PHF21B: variants seen among roughly 807,000 people sequenced by gnomAD.
The protein encoded by PHF21B is PHD finger protein 21B.
PHF21B carries 22 observed loss-of-function variants against 62.2 expected under a neutral mutation model. The ratio of observed to expected loss-of-function variants is 0.35; its 90% CI spans 0.25 to 0.51. PHF21B has a LOEUF of 0.51. Ranked by LOEUF, PHF21B falls within the 20% of genes least tolerant of loss-of-function variation. PHF21B has a pLI of 0.97. For synonymous variants in PHF21B, 341 were observed against 314.7 expected, an observed-to-expected ratio of 1.08 and a Z score of -0.88; for missense variants, 701 against 707.9, an observed-to-expected ratio of 0.99 and a Z score of 0.11.
chr22:44,981,763 C>G (rs752208319), intron 2 of PHF21B, among the ~76,000 whole-genome samples: 1 of 152,220 alleles, frequency 6.6e-6, no homozygotes, highest in Non-Finnish European at 1.5e-5. Context: ...ATGTGACAAG[C>G]TACAGCGGCA....
chr22:44,893,760 AG>A (rs1439680137), intron 6 of PHF21B, among the ~76,000 whole-genome samples: 1 of 152,224 alleles, frequency 6.6e-6, no homozygotes, highest in Non-Finnish European at 1.5e-5. Flanking sequence ...GATTGGTGGG[AG>A]GCTGGCAGGT....
At chr22:44,908,210 G>T (rs1476568008) in intron 5 of PHF21B, among the ~76,000 whole-genome samples, 2 of 152,206 alleles carry the variant, frequency 1.3e-5, no homozygotes, top group East Asian at 3.8e-4. Flanking sequence ...GGCATAGACT[G>T]CAGACTCTGA....
intron 2 of PHF21B, among the ~76,000 whole-genome samples, chr22:44,923,556 T>C (rs547651996): frequency 1.2e-4 from 18 of 152,064 alleles, no homozygotes; most frequent in African/African-American, 4.3e-4. Context: ...AAAGAGAATG[T>C]TAGGAAAATG....
intron 2 of PHF21B, among the ~76,000 whole-genome samples, chr22:44,921,232 T>C (rs1222961729): frequency 1.3e-5 from 2 of 152,174 alleles, no homozygotes; most frequent in African/African-American, 4.8e-5. Context: ...AGAAGGGAGA[T>C]GGCACCCTCC....
At chr22:44,906,038 A>G (rs919529521) in intron 5 of PHF21B, among the ~76,000 whole-genome samples, 1 of 152,024 alleles carries the variant, frequency 6.6e-6, no homozygotes, top group Non-Finnish European at 1.5e-5. Flanking sequence ...TCTCTTACCC[A>G]AGGAATTCTT....
intron 2 of PHF21B, among the ~76,000 whole-genome samples, chr22:44,988,259 G>C (rs1037576939): frequency 6.6e-6 from 1 of 152,228 alleles, no homozygotes; most frequent in Non-Finnish European, 1.5e-5. Flanking sequence ...GAGCCCAGGA[G>C]TTCAAGATCA....
At chr22:45,008,685 A>G in intron 1 of PHF21B, 75 bp from the exon 2 acceptor site, 1 of 1,156,042 alleles carries the variant, frequency 8.7e-7, no homozygotes, top group Non-Finnish European at 1.1e-6. Context: ...GGGCCGCGGC[A>G]CCCCCCGCCC....
At chr22:45,004,238 A>G (rs2008054) in intron 2 of PHF21B, among the ~76,000 whole-genome samples, 132,249 of 152,272 alleles carry the variant, frequency 0.87, 57,566 homozygotes, top group Middle Eastern at 0.93. Context: ...TCTATGTAAA[A>G]TATATCTCAA....
Position 45,009,409 on chromosome 22 carries a change from G to T in PHF21B, c.54+87C>A. ...TCCAGCCTGGAAGACCCAGAGACCC[G>T]GAAGAGAGGATGCTGGGCTCGGGTC... is the stretch of plus-strand genomic sequence containing the variant. On this transcript the variant is annotated intron_variant, in intron 1 of 12. Coordinates refer to ENST00000313237, the MANE Select transcript of PHF21B (RefSeq NM_138415.5). This position sits in a 1 kb window ranked among gnomAD's most constrained non-coding sequence, Gnocchi z 5.9. 7.4e-7 allele frequency: 1 copy of T among 1,344,020 alleles called. No homozygotes were observed. Among genetic ancestry groups the T allele is most frequent in the Non-Finnish European group, 9.9e-7 (1 of 1,005,884 alleles). 83.3% of individuals were successfully genotyped at this position (1,344,020 alleles called of 1,614,324 possible). A position where few individuals can be genotyped will look rare whatever the true frequency, so the allele number is the denominator to read the frequency against.
chr22:44,912,512 G>A (rs527901138), intron 5 of PHF21B, among the ~76,000 whole-genome samples: 44 of 151,942 alleles, frequency 2.9e-4, no homozygotes, highest in Non-Finnish European at 5.6e-4. Flanking sequence ...TTTAAAAAAC[G>A]GGAGCTTCCC....
chr22:44,998,518 C>T (rs908776643), intron 2 of PHF21B, among the ~76,000 whole-genome samples: 4 of 152,124 alleles, frequency 2.6e-5, no homozygotes, highest in South Asian at 2.1e-4. Flanking sequence ...GGGGCTTGGC[C>T]GAGGTGCTCC....
In PHF21B at chr22:44,990,041, G is replaced by A. The variant is rs537719656; in HGVS notation, c.120+18504C>T. 7.9e-5 allele frequency among the ~76,000 whole-genome samples: 12 copies of A among 152,332 alleles called. No individual in the cohort carries two copies. The South Asian group carries it at 1.7e-3, about 21-fold the overall frequency. ...GCCAACGGGCTCCGTGAATGCTGCC[G>A]CTGCCTCCACTTCCACCCATGCCCG... On this transcript the variant is annotated intron_variant, in intron 2 of 12. Coordinates refer to ENST00000313237, the MANE Select transcript of PHF21B (RefSeq NM_138415.5).
Position 44,916,423 on chromosome 22 carries a change from A to AGGCGAGGGCGGCGGGCTC in PHF21B, c.403_420dup (p.Glu135_Ala140dup). ...GCCACCCCCGCACTGCTCAGCGGAG[A>AGGCGAGGGCGGCGGGCTC]GGCGAGGGCGGCGGGCTCGGCGAGG... On this transcript the variant is annotated inframe_insertion, in exon 4 of 13. Transcript: ENST00000313237. 3 of 1,595,782 alleles carry AGGCGAGGGCGGCGGGCTC rather than the reference A, an allele frequency of 1.9e-6. No individual in the cohort carries two copies. The highest frequency in any genetic ancestry group is 1.3e-5 in the African/African-American group (1 of 74,258).
chr22:44,972,643 G>A (rs535461219), intron 2 of PHF21B, among the ~76,000 whole-genome samples: 27 of 152,334 alleles, frequency 1.8e-4, no homozygotes, highest in African/African-American at 6.5e-4. Flanking sequence ...GGGTGCTCTG[G>A]GCAGAAGCGG....
intron 2 of PHF21B, among the ~76,000 whole-genome samples, chr22:45,006,374 C>T (rs2073314200): frequency 6.6e-6 from 1 of 152,190 alleles, no homozygotes; most frequent in African/African-American, 2.4e-5. Context: ...TTTTTAAACA[C>T]ACACTCACAC....
rs149229771 is a variant in PHF21B at position 44,917,896 on chromosome 22, G to A, written c.214-1266C>T. 2.8e-3 allele frequency among the ~76,000 whole-genome samples: 426 copies of A among 152,340 alleles called. 2 individuals carry two copies. The highest frequency in any genetic ancestry group is 0.01 in the African/African-American group (418 of 41,572). ...CCTCACCAGTGCCTGGCACAGAGCT[G>A]GCCCTTGAGTCTAGTGATCTCTGTG... On this transcript the variant is annotated intron_variant, in intron 3 of 12. Coordinates refer to ENST00000313237, the MANE Select transcript of PHF21B (RefSeq NM_138415.5).
intron 2 of PHF21B, among the ~76,000 whole-genome samples, chr22:44,927,620 A>T (rs976223642): frequency 2.0e-5 from 3 of 152,184 alleles, no homozygotes; most frequent in Non-Finnish European, 2.9e-5. Flanking sequence ...ATGCTAAGCT[A>T]GCTTCAGGCT....
intron 2 of PHF21B, among the ~76,000 whole-genome samples, chr22:44,965,543 G>A (rs1601653885): frequency 6.6e-6 from 1 of 151,930 alleles, no homozygotes; most frequent in East Asian, 1.9e-4. Context: ...TCTTGGCTGA[G>A]GGGTTTCCCT....
intron 5 of PHF21B, chr22:44,901,663 A>G: frequency 3.9e-6 from 2 of 518,276 alleles, no homozygotes; most frequent in Non-Finnish European, 3.0e-6. Flanking sequence ...CAAGGTGAAA[A>G]GGGGGAACCT....
Sources: gnomAD v4.1 joint callset for allele counts (sites outside exome capture counted in the v4.1 genomes callset) on GRCh38, gnomAD v4.1.1 for gene constraint, Gnocchi (gnomAD v3.1) non-coding constraint, MANE v1.5 for transcripts, NCBI Gene and HGNC (gene_info 2026-07-23, HGNC 2026-07-21) for gene names.